CDH4: variants seen among roughly 807,000 people sequenced by gnomAD.
CDH4 encodes the protein cadherin-4.
A neutral mutation model predicts 86.0 loss-of-function variants in CDH4; 33 were observed. The ratio of observed to expected loss-of-function variants is 0.38; its 90% CI spans 0.29 to 0.51. CDH4 has a LOEUF of 0.51. CDH4 is among the 20% of genes least tolerant of loss of function. CDH4 has a pLI of 0.86. For missense variants in CDH4, 1,114 were observed against 1,307.4 expected (o/e 0.85, Z 2.28); for synonymous variants, 555 against 549.4 (o/e 1.01, Z -0.14).
At position 61,743,642 on chromosome 20, in the gene CDH4, G is replaced by T; in HGVS notation, c.249G>T (p.Gly83=). 6.3e-7 allele frequency: 1 copy of T among 1,594,286 alleles called. No individual in the cohort carries two copies. Among genetic ancestry groups the T allele is most frequent in the Non-Finnish European group, 8.5e-7 (1 of 1,170,092 alleles). ...TGGACTTCAAAGTTGGGGCAGATGGGACAGTCTTCGCCACCCGGGAGCTGC... is the reference window on the plus strand; with the variant it reads ...TGGACTTCAAAGTTGGGGCAGATGGTACAGTCTTCGCCACCCGGGAGCTGC... ...NSMDFKVGAD[G]TVFATRELQV... is the part of the protein sequence containing the mutation. Residue 83 remains glycine (G), a synonymous_variant, in exon 3 of 16, where the codon GGG becomes GGT. Transcript: ENST00000614565.
At chr20:61,634,661 T>C (rs1600825913) in intron 2 of CDH4, among the ~76,000 whole-genome samples, 1 of 152,356 alleles carries the variant, frequency 6.6e-6, no homozygotes. Flanking sequence ...CCCACTGTGG[T>C]AAACTACACT....
chr20:61,371,439 C>G (rs558097802), intron 2 of CDH4, among the ~76,000 whole-genome samples: 1 of 152,240 alleles, frequency 6.6e-6, no homozygotes, highest in Non-Finnish European at 1.5e-5. Context: ...AAGTGTCAGA[C>G]GCTGCGGACG....
chr20:61,518,889 A>C lies in CDH4; in HGVS notation c.170-224674A>C, dbSNP rs774427950. Among the ~76,000 whole-genome samples, 1 of 151,678 alleles carries C rather than the reference A, an allele frequency of 6.6e-6. No homozygotes were observed. The highest frequency in any genetic ancestry group is 1.5e-5 in the Non-Finnish European group (1 of 67,934). On this transcript the variant is annotated intron_variant, in intron 2 of 15. Transcript: ENST00000614565. The surrounding 1 kb of genome is among the most constrained non-coding windows in gnomAD (Gnocchi z 6.3). Reference sequence around the variant, plus strand: ...CCATCATTCATTCATCAATCCACCCATCATCCATTCATCCATCATTCATTC... The same window carrying C: ...CCATCATTCATTCATCAATCCACCCCTCATCCATTCATCCATCATTCATTC...
intron 2 of CDH4, among the ~76,000 whole-genome samples, chr20:61,667,267 G>T (rs536010811): frequency 2.2e-4 from 34 of 152,352 alleles, no homozygotes; most frequent in African/African-American, 7.9e-4. Flanking sequence ...AGTCGGCCGG[G>T]ATGGCCCTGC....
At chr20:61,355,157 A>T (rs564167514) in intron 2 of CDH4, among the ~76,000 whole-genome samples, 1 of 152,296 alleles carries the variant, frequency 6.6e-6, no homozygotes, top group Non-Finnish European at 1.5e-5. Context: ...AAGACCCCTA[A>T]ATCCTTTCAT....
At chr20:61,804,079 G>A (rs529874819) in intron 4 of CDH4, among the ~76,000 whole-genome samples, 1 of 152,378 alleles carries the variant, frequency 6.6e-6, no homozygotes, top group South Asian at 2.1e-4. Flanking sequence ...GCTTGTTGTT[G>A]GTAAGGAGGC....
rs201949663 is a variant in CDH4, at chr20:61,894,895, G to A, written c.1051-15G>A. On this transcript the variant is annotated splice_polypyrimidine_tract_variant and intron_variant, in intron 7 of 15. Transcript: ENST00000614565. ...CTGATTTTCTGTTCTTTCTCAACTGGTGTCTCCCTTCCAGAAAGTTCAGCA... is the reference window on the plus strand; with the variant it reads ...CTGATTTTCTGTTCTTTCTCAACTGATGTCTCCCTTCCAGAAAGTTCAGCA... The A allele has an allele frequency of 4.4e-6, 7 of 1,607,086 alleles. No individual in the cohort carries two copies. In the African/African-American group the frequency reaches 6.7e-5, roughly 15 times the overall value.
intron 11 of CDH4, among the ~76,000 whole-genome samples, chr20:61,926,096 C>A (rs893948599): frequency 6.6e-6 from 1 of 152,128 alleles, no homozygotes; most frequent in Non-Finnish European, 1.5e-5. Context: ...CCAAGGAGAC[C>A]GGAGAGAAAC....
intron 2 of CDH4, among the ~76,000 whole-genome samples, chr20:61,588,265 G>C (rs1021573895): frequency 5.3e-5 from 8 of 152,196 alleles, no homozygotes; most frequent in African/African-American, 1.9e-4. Context: ...TTCCAAGATG[G>C]TTAAACCAAG....
chr20:61,680,223 C>T (rs1217471133), intron 2 of CDH4, among the ~76,000 whole-genome samples: 13 of 152,234 alleles, frequency 8.5e-5, no homozygotes, highest in Admixed American at 2.0e-4. Flanking sequence ...CCACAGGAGC[C>T]CTGCAGCCCT....
chr20:61,685,066 C>G (rs920639882), intron 2 of CDH4, among the ~76,000 whole-genome samples: 2 of 152,146 alleles, frequency 1.3e-5, no homozygotes, highest in African/African-American at 2.4e-5. Flanking sequence ...AAACCCCGTA[C>G]CCATAAGACA....
At chr20:61,605,480 T>C (rs555134996) in intron 2 of CDH4, among the ~76,000 whole-genome samples, 4 of 152,104 alleles carry the variant, frequency 2.6e-5, no homozygotes, top group African/African-American at 9.6e-5. Context: ...TATTTGTCTC[T>C]CCCTGTCTCT....
chr20:61,409,036 T>C (rs2085099906), intron 2 of CDH4, among the ~76,000 whole-genome samples: 1 of 152,134 alleles, frequency 6.6e-6, no homozygotes, highest in African/African-American at 2.4e-5. Context: ...GCTGGGCAGG[T>C]TTGTCAAAGG....
chr20:61,366,660 A>G (rs1052494954), intron 2 of CDH4, among the ~76,000 whole-genome samples: 5 of 152,238 alleles, frequency 3.3e-5, no homozygotes, highest in African/African-American at 1.2e-4. Context: ...CATGTCCTTA[A>G]GGCACAGATC....
intron 2 of CDH4, among the ~76,000 whole-genome samples, chr20:61,323,784 T>C (rs1193905328): frequency 6.6e-6 from 1 of 152,158 alleles, no homozygotes; most frequent in East Asian, 1.9e-4. Context: ...CCGTCACCTT[T>C]AGTACATGCA....
At chr20:61,300,360 G>A (rs73915276) in intron 2 of CDH4, among the ~76,000 whole-genome samples, 20,316 of 152,108 alleles carry the variant, frequency 0.13, 1,501 homozygotes, top group African/African-American at 0.18. Flanking sequence ...TGGAGGCTCC[G>A]AGCCCTCAGC....
chr20:61,466,696 A>T (rs1205846599), intron 2 of CDH4, among the ~76,000 whole-genome samples: 4 of 149,914 alleles, frequency 2.7e-5, no homozygotes, highest in South Asian at 2.1e-4. Context: ...CAAAAGTATT[A>T]AAAAAATAGC....
intron 2 of CDH4, among the ~76,000 whole-genome samples, chr20:61,371,622 T>G (rs111874366): frequency 6.6e-5 from 10 of 152,198 alleles, no homozygotes; most frequent in African/African-American, 2.4e-4. Flanking sequence ...CGGGCAGGCC[T>G]CTGCTGCGGG....
intron 3 of CDH4, among the ~76,000 whole-genome samples, chr20:61,766,180 C>CCCT (rs927369291): frequency 6.6e-6 from 1 of 151,986 alleles, no homozygotes; most frequent in African/African-American, 2.4e-5. Flanking sequence ...CCTGACCCTC[C>CCCT]CCTCCCTACC....
Sources: allele counts gnomAD v4.1 joint callset (sites outside exome capture counted in the v4.1 genomes callset), GRCh38; gene constraint gnomAD v4.1.1; non-coding constraint Gnocchi (gnomAD v3.1); transcripts MANE v1.5; gene names NCBI Gene and HGNC (gene_info 2026-07-23, HGNC 2026-07-21).